Variants in CTNNA3 observed in about 807,000 individuals in gnomAD.
The protein encoded by CTNNA3 is catenin alpha-3.
Under a neutral mutation model 95.7 loss-of-function variants are expected in CTNNA3, and 76 were observed. The ratio of observed to expected loss-of-function variants is 0.79; its 90% CI spans 0.66 to 0.96. The LOEUF is 0.96. CTNNA3 is among the 40% of genes least tolerant of loss of function. The probability of loss-of-function intolerance (pLI) is 0.00; values close to 1 mark genes in which losing one functional copy is unlikely to be tolerated. For missense variants in CTNNA3, 1,191 were observed against 1,089.8 expected, an observed-to-expected ratio of 1.09 and a Z score of -1.31; for synonymous variants, 431 against 374.4, an observed-to-expected ratio of 1.15 and a Z score of -1.74.
intron 5 of CTNNA3, among the ~76,000 whole-genome samples, chr10:67,389,571 T>A (rs1844364046): frequency 6.6e-6 from 1 of 151,394 alleles, no homozygotes; most frequent in East Asian, 1.9e-4. Context: ...AATAGACATC[T>A]ACAGAACTCT....
Position 66,920,119 on chromosome 10 carries a change from C to T in CTNNA3, c.1048-144595G>A, listed in dbSNP as rs574415678. ...CCCTTGATAACCCTTAATATATGCT[C>T]ATGGCCACAGAACCTATACAGAATC... On this transcript the variant is annotated intron_variant, in intron 7 of 17. Coordinates refer to ENST00000433211, the MANE Select transcript of CTNNA3 (RefSeq NM_013266.4). 1.4e-4 allele frequency among the ~76,000 whole-genome samples: 21 copies of T among 152,286 alleles called. No homozygotes were observed. The South Asian group carries it at 4.4e-3, about 32-fold the overall frequency.
intron 5 of CTNNA3, among the ~76,000 whole-genome samples, chr10:67,298,928 A>ATT (rs111379857): frequency 2.0e-5 from 3 of 146,614 alleles, no homozygotes; most frequent in Admixed American, 6.8e-5. Context: ...CATATGTTGC[A>ATT]TTTTTTTTTT....
At chr10:66,818,283 G>A (rs7099760) in intron 7 of CTNNA3, among the ~76,000 whole-genome samples, 87,360 of 151,844 alleles carry the variant, frequency 0.58, 25,277 homozygotes, top group Admixed American at 0.62. Flanking sequence ...TTCTAACTGG[G>A]GTAATTAGAC....
At chr10:67,144,410 T>C (rs1860745485) in intron 7 of CTNNA3, among the ~76,000 whole-genome samples, 1 of 152,228 alleles carries the variant, frequency 6.6e-6, no homozygotes, top group South Asian at 2.1e-4. Flanking sequence ...CATTGACTTC[T>C]CCTCTCTAGT....
At chr10:66,002,133 T>C (rs1226627054) in intron 15 of CTNNA3, among the ~76,000 whole-genome samples, 2 of 152,058 alleles carry the variant, frequency 1.3e-5, no homozygotes, top group Non-Finnish European at 2.9e-5. Flanking sequence ...TAATTCTGTA[T>C]TAGATAAAAA....
chr10:67,405,611 C>G (rs1845112942), intron 5 of CTNNA3, among the ~76,000 whole-genome samples: 1 of 151,998 alleles, frequency 6.6e-6, no homozygotes. Context: ...ACTTTAAAAC[C>G]CCATTGACAA....
intron 13 of CTNNA3, among the ~76,000 whole-genome samples, chr10:66,278,770 T>A (rs1352543253): frequency 6.6e-6 from 1 of 152,080 alleles, no homozygotes; most frequent in Non-Finnish European, 1.5e-5. Flanking sequence ...AAATATCCAC[T>A]CAGGAATAGT....
chr10:66,110,218 C>T (rs1032787734), intron 13 of CTNNA3, among the ~76,000 whole-genome samples: 22 of 151,684 alleles, frequency 1.5e-4, no homozygotes, highest in Non-Finnish European at 2.6e-4. Context: ...AAAAATTAGA[C>T]GGGTGTGGTG....
intron 7 of CTNNA3, among the ~76,000 whole-genome samples, chr10:67,049,350 C>T (rs1210411094): frequency 6.6e-6 from 1 of 152,074 alleles, no homozygotes; most frequent in East Asian, 1.9e-4. Flanking sequence ...CATTAAATTT[C>T]AAATCCCATT....
chr10:67,568,520 C>A (rs1841884341), intron 3 of CTNNA3, among the ~76,000 whole-genome samples: 1 of 151,360 alleles, frequency 6.6e-6, no homozygotes, highest in Non-Finnish European at 1.5e-5. Flanking sequence ...CGCACACACA[C>A]ACATATATAT....
At chr10:66,521,790 C>T (rs1841076105) in intron 10 of CTNNA3, among the ~76,000 whole-genome samples, 2 of 152,258 alleles carry the variant, frequency 1.3e-5, no homozygotes, top group Non-Finnish European at 2.9e-5. Flanking sequence ...CTCTCAGTAG[C>T]CATTGCTTTG....
At chr10:66,525,078 A>G (rs2132033007) in intron 10 of CTNNA3, among the ~76,000 whole-genome samples, 1 of 152,112 alleles carries the variant, frequency 6.6e-6, no homozygotes, top group Non-Finnish European at 1.5e-5. Flanking sequence ...AAAAGAAAGA[A>G]AGAAAGACAA....
intron 7 of CTNNA3, among the ~76,000 whole-genome samples, chr10:67,118,513 C>T (rs112609390): frequency 1.3e-5 from 2 of 151,890 alleles, no homozygotes; most frequent in Non-Finnish European, 2.9e-5. Flanking sequence ...CATCCCTTTT[C>T]ACAAGAAAGA....
At chr10:66,550,420 A>G (rs1250036212) in intron 10 of CTNNA3, among the ~76,000 whole-genome samples, 5 of 152,180 alleles carry the variant, frequency 3.3e-5, no homozygotes, top group African/African-American at 1.2e-4. Context: ...GGCAAGGGAT[A>G]TGCAAAATAG....
At chr10:66,231,412 TG>T (rs2089584534) in intron 13 of CTNNA3, among the ~76,000 whole-genome samples, 1 of 152,204 alleles carries the variant, frequency 6.6e-6, no homozygotes, top group African/African-American at 2.4e-5. Context: ...TTTTTTCCTT[TG>T]ATGAAGTCAT....
At chr10:66,460,271 C>A (rs2093520120) in intron 11 of CTNNA3, among the ~76,000 whole-genome samples, 1 of 152,188 alleles carries the variant, frequency 6.6e-6, no homozygotes, top group African/African-American at 2.4e-5. Context: ...TGCCCTCAGG[C>A]TGAGAAACTT....
intron 11 of CTNNA3, among the ~76,000 whole-genome samples, chr10:66,403,883 A>T (rs2093038139): frequency 6.6e-6 from 1 of 152,204 alleles, no homozygotes; most frequent in Non-Finnish European, 1.5e-5. Flanking sequence ...ACTTTGAAAC[A>T]AAAATGATAA....
At chr10:67,014,197 T>C (rs1450792845) in intron 7 of CTNNA3, among the ~76,000 whole-genome samples, 1 of 152,238 alleles carries the variant, frequency 6.6e-6, no homozygotes, top group Admixed American at 6.5e-5. Context: ...CATGCTTTAG[T>C]GCTTCACAGG....
intron 12 of CTNNA3, among the ~76,000 whole-genome samples, chr10:66,316,851 T>C (rs773685063): frequency 2.0e-5 from 3 of 152,146 alleles, no homozygotes; most frequent in Non-Finnish European, 4.4e-5. Context: ...ACAAGTAATA[T>C]AAATTTAACT....
Sources: gnomAD v4.1 joint callset for allele counts (sites outside exome capture counted in the v4.1 genomes callset) on GRCh38, gnomAD v4.1.1 for gene constraint, MANE v1.5 for transcripts, NCBI Gene and HGNC (gene_info 2026-07-23, HGNC 2026-07-21) for gene names.